The following E2F5 variants were observed in gnomAD, a reference collection of about 807,000 sequenced individuals.
The protein encoded by E2F5 is transcription factor E2F5.
A neutral mutation model predicts 39.1 loss-of-function variants in E2F5; 23 were observed. The observed-to-expected ratio is 0.59, with a 90% CI of 0.42 to 0.83. E2F5 has a LOEUF of 0.83. Ranked by LOEUF, E2F5 falls within the 40% of genes least tolerant of loss-of-function variation. The pLI is 0.00. For missense variants in E2F5, 365 were observed against 406.7 expected (o/e 0.90, Z 0.88); for synonymous variants, 145 against 157.8 (o/e 0.92, Z 0.61).
At chr8:85,185,429 A>G (rs1268417035) in intron 1 of E2F5, among the ~76,000 whole-genome samples, 2 of 152,226 alleles carry the variant, frequency 1.3e-5, no homozygotes, top group Non-Finnish European at 2.9e-5. Flanking sequence ...AACCTGGGCA[A>G]TACCATTCAG....
chr8:85,183,555 A>G (rs1168966237), intron 1 of E2F5, among the ~76,000 whole-genome samples: 1 of 152,232 alleles, frequency 6.6e-6, no homozygotes, highest in Non-Finnish European at 1.5e-5. Flanking sequence ...ATACAATGGA[A>G]TATTCTTCAG....
chr8:85,191,780 C>T (rs1385485236), intron 1 of E2F5, among the ~76,000 whole-genome samples: 1 of 152,104 alleles, frequency 6.6e-6, no homozygotes, highest in Non-Finnish European at 1.5e-5. Context: ...TTTGTTTGCC[C>T]ATGTTTCGCT....
chr8:85,211,831 G>T (rs1812931171), intron 6 of E2F5, among the ~76,000 whole-genome samples: 1 of 151,702 alleles, frequency 6.6e-6, no homozygotes, highest in South Asian at 2.1e-4. Flanking sequence ...TGTAAAGACG[G>T]ATTTCACTAT....
chr8:85,179,246 A>G (rs1812149174), intron 1 of E2F5, among the ~76,000 whole-genome samples: 1 of 152,222 alleles, frequency 6.6e-6, no homozygotes, highest in Admixed American at 6.5e-5. Context: ...GTGTAAGAAA[A>G]TCAGGGAAGT....
chr8:85,177,690 G>C (rs1218824094), intron 1 of E2F5, 36 bp downstream of exon 1: 4 of 1,243,432 alleles, frequency 3.2e-6, no homozygotes. Context: ...GCGGACTTCG[G>C]AACCCGTGGC....
At chr8:85,207,987 C>T (rs1812832648) in intron 5 of E2F5, among the ~76,000 whole-genome samples, 1 of 152,044 alleles carries the variant, frequency 6.6e-6, no homozygotes, top group Non-Finnish European at 1.5e-5. Flanking sequence ...TAGAGGATGT[C>T]AAGAAATGAC....
chr8:85,206,130 G>A (rs770146121), intron 3 of E2F5, 47 bp from the exon 4 acceptor site: 9 of 1,568,696 alleles, frequency 5.7e-6, no homozygotes, highest in Non-Finnish European at 7.9e-6. Context: ...TAATTTAAAT[G>A]CCTACGGCTT....
intron 1 of E2F5, among the ~76,000 whole-genome samples, chr8:85,189,670 C>G (rs1812418916): frequency 2.6e-5 from 4 of 152,170 alleles, no homozygotes; most frequent in Admixed American, 2.6e-4. Context: ...CACCCAACCT[C>G]TTTTTCCAAA....
chr8:85,186,164 G>C (rs1249022688), intron 1 of E2F5, among the ~76,000 whole-genome samples: 1 of 152,152 alleles, frequency 6.6e-6, no homozygotes, highest in Non-Finnish European at 1.5e-5. Flanking sequence ...ATACACCATG[G>C]AATACTATGC....
chr8:85,187,349 A>C (rs1002742695), intron 1 of E2F5, among the ~76,000 whole-genome samples: 3 of 152,104 alleles, frequency 2.0e-5, no homozygotes, highest in African/African-American at 7.2e-5. Flanking sequence ...TTTCTTATTT[A>C]CTGTCTCTAC....
chr8:85,195,620 G>A (rs1260098232), intron 1 of E2F5, among the ~76,000 whole-genome samples: 1 of 151,898 alleles, frequency 6.6e-6, no homozygotes, highest in African/African-American at 2.4e-5. Context: ...CTCCCAAATA[G>A]CTGGGACTGC....
Position 85,209,276 on chromosome 8 carries a change from A to AGTGGGGGG in E2F5, c.750_751insGTGGGGGG (p.Gln251ValfsTer10). ...CTGTTCCCCCACCTGATGACCTCACACAGCCTTCCTCCCAGTCCTTGACTC... is the reference window on the plus strand; with the variant it reads ...CTGTTCCCCCACCTGATGACCTCACAGTGGGGGGCAGCCTTCCTCCCAGTCCTTGACTC... On this transcript the variant is annotated frameshift_variant, in exon 6 of 8. Transcript: ENST00000416274. LOFTEE classifies it high-confidence loss of function. 1 of 1,614,002 alleles carries AGTGGGGGG rather than the reference A, an allele frequency of 6.2e-7. No homozygotes were observed. Among genetic ancestry groups the AGTGGGGGG allele is most frequent in the Non-Finnish European group, 8.5e-7 (1 of 1,179,890 alleles).
At chr8:85,200,076 G>T (rs1052062934) in intron 1 of E2F5, among the ~76,000 whole-genome samples, 1 of 151,992 alleles carries the variant, frequency 6.6e-6, no homozygotes, top group African/African-American at 2.4e-5. Flanking sequence ...GTGAAACCTC[G>T]TCTCTACTAA....
At chr8:85,198,784 A>G (rs1355502084) in intron 1 of E2F5, among the ~76,000 whole-genome samples, 1 of 152,128 alleles carries the variant, frequency 6.6e-6, no homozygotes, top group Non-Finnish European at 1.5e-5. Flanking sequence ...TTGTGGTATA[A>G]ACTGTCTATT....
At chr8:85,196,613 T>C (rs1358336013) in intron 1 of E2F5, among the ~76,000 whole-genome samples, 1 of 152,232 alleles carries the variant, frequency 6.6e-6, no homozygotes, top group Admixed American at 6.5e-5. Context: ...TGAAATCATA[T>C]AAGTCCATTT....
intron 3 of E2F5, among the ~76,000 whole-genome samples, chr8:85,203,667 A>C (rs969444407): frequency 1.3e-5 from 2 of 151,630 alleles, no homozygotes; most frequent in Admixed American, 6.6e-5. Flanking sequence ...TTTTCGTTTA[A>C]AGATGAGATA....
intron 3 of E2F5, among the ~76,000 whole-genome samples, chr8:85,204,542 T>G (rs1587497088): frequency 4.9e-5 from 3 of 61,794 alleles, no homozygotes; most frequent in African/African-American, 6.8e-5. Flanking sequence ...GGGACTGTTG[T>G]GGGGTGGGGG....
At chr8:85,188,733 T>C (rs776756823) in intron 1 of E2F5, among the ~76,000 whole-genome samples, 127 of 152,210 alleles carry the variant, frequency 8.3e-4, no homozygotes, top group Non-Finnish European at 1.4e-3. Flanking sequence ...CTTCAGTCTA[T>C]GCGCACTAGC....
chr8:85,205,191 CAA>C (rs1370025549), intron 3 of E2F5, among the ~76,000 whole-genome samples: 1 of 151,252 alleles, frequency 6.6e-6, no homozygotes, highest in African/African-American at 2.4e-5. Context: ...CAAAATAAAA[CAA>C]AACAAAATTA....
Sources: allele counts gnomAD v4.1 joint callset (sites outside exome capture counted in the v4.1 genomes callset), GRCh38; gene constraint gnomAD v4.1.1; transcripts MANE v1.5; gene names NCBI Gene and HGNC (gene_info 2026-07-23, HGNC 2026-07-21).